The following PHOSPHO2 variants were observed in gnomAD, a reference collection of about 807,000 sequenced individuals.
PHOSPHO2 encodes the protein pyridoxal phosphate phosphatase PHOSPHO2.
Under a neutral mutation model 16.4 loss-of-function variants are expected in PHOSPHO2, and 14 were observed. That is an observed-to-expected ratio of 0.85 (90% CI 0.56 to 1.33). PHOSPHO2 has a LOEUF of 1.33. Ranked by LOEUF, PHOSPHO2 falls within the 40% of genes most tolerant of loss-of-function variation. The pLI is 0.00. For missense variants in PHOSPHO2, 246 were observed against 282.5 expected (o/e 0.87, Z 0.93); for synonymous variants, 85 against 90.5 (o/e 0.94, Z 0.34).
intron 3 of PHOSPHO2, among the ~76,000 whole-genome samples, chr2:169,699,331 T>C (rs966585094): frequency 6.6e-6 from 1 of 152,224 alleles, no homozygotes; most frequent in Admixed American, 6.5e-5. Context: ...GATCCATCCA[T>C]GTCCCTGTAA....
Position 169,694,575 on chromosome 2 carries a change from C to A in PHOSPHO2, c.-278C>A. ...GTGGGGCGAGGCCAAAGGACTGAAC[C>A]CGCAGGAGCGTCACGGGCGCCGGGG... On this transcript the variant is annotated 5_prime_UTR_variant, in exon 1 of 4. Transcript: ENST00000359744. 1.7e-6 allele frequency: 1 copy of A among 577,566 alleles called. No individual in the cohort carries two copies. The highest frequency in any genetic ancestry group is 3.1e-6 in the Non-Finnish European group (1 of 321,958). The allele number at this position is 577,566 out of a possible 1,614,324, so 35.8% of individuals were successfully genotyped here.
In PHOSPHO2 at chr2:169,701,631, T is replaced by C. The variant is rs78901671; in HGVS notation, c.660T>C (p.Tyr220=). 57 of 1,600,530 alleles carry C rather than the reference T, an allele frequency of 3.6e-5. No homozygotes were observed. The East Asian group carries it at 1.3e-3, about 36-fold the overall frequency. ...RMSQNLEPME[Y]SVVVWSSGVD... is the part of the protein sequence containing the mutation. ...CTCAAAATCTTGAGCCTATGGAATA[T>C]TCTGTTGTAGTTTGGTCCTCAGGTG... The change falls in exon 4 of 4, where the codon TAT becomes TAC. Residue 220 remains tyrosine (Y), a synonymous_variant. Transcript: ENST00000359744.
intron 2 of PHOSPHO2, among the ~76,000 whole-genome samples, chr2:169,695,637 C>CAAA (rs71006023): frequency 0.11 from 15,031 of 141,628 alleles, 896 homozygotes; most frequent in Middle Eastern, 0.2. Flanking sequence ...GACTCCGTCT[C>CAAA]AAAAAAAAAA....
Position 169,697,490 on chromosome 2 carries a change from T to C in PHOSPHO2, c.-68T>C, listed in dbSNP as rs1368554764. ...AGATTGTCATGATTGTTTATCCTAA[T>C]CCCAATGCTGAAGTAAGATTGTCTT... On this transcript the variant is annotated 5_prime_UTR_variant, in exon 3 of 4. Coordinates refer to ENST00000359744, the MANE Select transcript of PHOSPHO2 (RefSeq NM_001008489.4). 3 of 152,200 alleles carry C rather than the reference T, an allele frequency of 2.0e-5. No individual in the cohort carries two copies. The highest frequency in any genetic ancestry group is 4.4e-5 in the Non-Finnish European group (3 of 68,036). 9.4% of individuals were successfully genotyped at this position (152,200 alleles called of 1,614,324 possible). A position where few individuals can be genotyped will look rare whatever the true frequency, so the allele number is the denominator to read the frequency against.
chr2:169,699,101 G>A (rs9808005), intron 3 of PHOSPHO2, among the ~76,000 whole-genome samples: 1,540 of 152,150 alleles, frequency 0.01, 28 homozygotes, highest in African/African-American at 0.036. Flanking sequence ...ATGGTTTGCT[G>A]CACAGATCAT....
At chr2:169,697,075 G>A (rs1451290543) in intron 2 of PHOSPHO2, among the ~76,000 whole-genome samples, 1 of 151,704 alleles carries the variant, frequency 6.6e-6, no homozygotes, top group Non-Finnish European at 1.5e-5. Flanking sequence ...GAGTGCAGTG[G>A]CGCGATCTCG....
At chr2:169,700,092 A>T (rs1687697810) in intron 3 of PHOSPHO2, among the ~76,000 whole-genome samples, 1 of 152,062 alleles carries the variant, frequency 6.6e-6, no homozygotes, top group African/African-American at 2.4e-5. Flanking sequence ...TGGATATTAG[A>T]CCTTTGTCAG....
At chr2:169,698,796 G>A (rs1242759326) in intron 3 of PHOSPHO2, among the ~76,000 whole-genome samples, 1 of 152,102 alleles carries the variant, frequency 6.6e-6, no homozygotes, top group Admixed American at 6.6e-5. Flanking sequence ...TTACTCAGGT[G>A]TATTCAAATT....
Position 169,701,403 on chromosome 2 carries a change from C to A in PHOSPHO2, c.432C>A (p.Cys144Ter). The A allele has an allele frequency of 6.2e-7, 1 of 1,613,412 alleles. No homozygotes were observed. The highest frequency in any genetic ancestry group is 8.5e-7 in the Non-Finnish European group (1 of 1,179,864). The change falls in exon 4 of 4, where the codon TGC (cysteine) becomes TGA (stop). Residue 144 changes from cysteine to a stop codon, truncating the protein, a stop_gained. Transcript: ENST00000359744. LOFTEE classifies it high-confidence loss of function. The part of the protein sequence containing the change: ...LTVENYHTHS[C>*]NRCPKNLCKK... Reference sequence around the variant, plus strand: ...TTGAAAATTATCATACTCATTCTTGCAATAGATGCCCAAAGAATCTTTGCA... The same window carrying A: ...TTGAAAATTATCATACTCATTCTTGAAATAGATGCCCAAAGAATCTTTGCA...
At chr2:169,700,839 T>C in intron 3 of PHOSPHO2, 107 bp from the exon 4 acceptor site, 5 of 1,148,474 alleles carry the variant, frequency 4.4e-6, no homozygotes, top group Non-Finnish European at 5.9e-6. Flanking sequence ...ACTTTGTTTA[T>C]ATTCCTCCCT....
At position 169,701,250 on chromosome 2, in the gene PHOSPHO2, C is replaced by T. The variant is rs912569763; in HGVS notation, c.279C>T (p.Asp93=). 1.9e-6 allele frequency: 3 copies of T among 1,613,718 alleles called. No homozygotes were observed. Among genetic ancestry groups the T allele is most frequent in the Middle Eastern group, 1.6e-4 (1 of 6,080 alleles). The change falls in exon 4 of 4, where the codon GAC becomes GAT. Residue 93 remains aspartate, a synonymous_variant. Transcript: ENST00000359744. ...NFIRKNKDKF[D]CIIISDSNSV... ...TAAGAAAGAATAAGGATAAATTTGACTGCATTATTATTTCAGATTCAAATT... is the reference window on the plus strand; with the variant it reads ...TAAGAAAGAATAAGGATAAATTTGATTGCATTATTATTTCAGATTCAAATT...
At position 169,701,546 on chromosome 2, in the gene PHOSPHO2, A is replaced by T. The variant is rs1369915642; in HGVS notation, c.575A>T (p.Asn192Ile). 17 of 1,613,536 alleles carry T rather than the reference A, an allele frequency of 1.1e-5. No homozygotes were observed. The highest frequency in any genetic ancestry group is 1.4e-5 in the Non-Finnish European group (17 of 1,179,986). ...GTCTGTCCAGTCACCTTTTTAAAGA[A>T]TGATGATGTTGCCATGCCACGGAAA... ...NDVCPVTFLK[N>I]DDVAMPRKGY... The change falls in exon 4 of 4, where the codon AAT becomes ATT. Residue 192 changes from asparagine (N) to isoleucine (I), a missense_variant. By Grantham distance (149) the Asn-to-Ile change is moderately radical (BLOSUM62 -3). Transcript: ENST00000359744.
At chr2:169,700,820 T>G (rs1039499735) in intron 3 of PHOSPHO2, 126 bp from the exon 4 acceptor site, 1 of 950,776 alleles carries the variant, frequency 1.1e-6, no homozygotes. Flanking sequence ...GGTCTTGAAG[T>G]GCTTAATTAC....
Position 169,694,533 on chromosome 2 carries a change from CT to C in PHOSPHO2, c.-319del. On this transcript the variant is annotated 5_prime_UTR_variant, in exon 1 of 4. Coordinates refer to ENST00000359744, the MANE Select transcript of PHOSPHO2 (RefSeq NM_001008489.4). ...TTGCGAGCTGGGCTTGTGAGTGGGGCTGCCGAGAGGGCAGGCGTGGGGCGAG... is the reference window on the plus strand; with the variant it reads ...TTGCGAGCTGGGCTTGTGAGTGGGGCGCCGAGAGGGCAGGCGTGGGGCGAG... 1 of 628,764 alleles carries C rather than the reference CT, an allele frequency of 1.6e-6. No homozygotes were observed. The highest frequency in any genetic ancestry group is 1.8e-5 in the South Asian group (1 of 55,160). 38.9% of individuals were successfully genotyped at this position (628,764 alleles called of 1,614,324 possible). A position where few individuals can be genotyped will look rare whatever the true frequency, so the allele number is the denominator to read the frequency against.
At chr2:169,699,583 T>C (rs1435776706) in intron 3 of PHOSPHO2, among the ~76,000 whole-genome samples, 1 of 152,192 alleles carries the variant, frequency 6.6e-6, no homozygotes, top group Admixed American at 6.5e-5. Context: ...CCTCTACGTC[T>C]TTGAGGAATC....
intron 2 of PHOSPHO2, among the ~76,000 whole-genome samples, chr2:169,697,138 C>T (rs1687571106): frequency 6.6e-6 from 1 of 151,956 alleles, no homozygotes; most frequent in Admixed American, 6.6e-5. Flanking sequence ...GCCTCAGTCT[C>T]CCAAGTAGCT....
Position 169,694,499 on chromosome 2 carries a change from C to A in PHOSPHO2, c.-354C>A. ...TGGCGGTCGGGCTAGAGAAGAGAGG[C>A]GCCTGCGCTTGCGAGCTGGGCTTGT... On this transcript the variant is annotated 5_prime_UTR_variant, in exon 1 of 4. Transcript: ENST00000359744. 1 of 678,496 alleles carries A rather than the reference C, an allele frequency of 1.5e-6. No individual in the cohort carries two copies. Among genetic ancestry groups the A allele is most frequent in the Admixed American group, 2.2e-5 (1 of 44,906 alleles). 42.0% of individuals were successfully genotyped at this position (678,496 alleles called of 1,614,324 possible).
rs2105603305 is a variant in PHOSPHO2, at chr2:169,701,645, G to C, written c.674G>C (p.Trp225Ser). The C allele has an allele frequency of 6.3e-7, 1 of 1,585,418 alleles. No individual in the cohort carries two copies. Among genetic ancestry groups the C allele is most frequent in the Non-Finnish European group, 8.5e-7 (1 of 1,171,766 alleles). ...CCTATGGAATATTCTGTTGTAGTTT[G>C]GTCCTCAGGTGTTGATATAATTTCT... ...LEPMEYSVVVWSSGVDIISHL... is the reference protein window; with the variant it reads ...LEPMEYSVVVSSSGVDIISHL... The change falls in exon 4 of 4, where the codon TGG (tryptophan) becomes TCG (serine). Residue 225 changes from tryptophan to serine, a missense_variant. Trp to Ser is a radical substitution (Grantham distance 177, BLOSUM62 -3). Coordinates refer to ENST00000359744, the MANE Select transcript of PHOSPHO2 (RefSeq NM_001008489.4).
intron 3 of PHOSPHO2, among the ~76,000 whole-genome samples, chr2:169,700,414 C>T (rs1687711829): frequency 6.6e-6 from 1 of 152,002 alleles, no homozygotes; most frequent in Non-Finnish European, 1.5e-5. Context: ...ATATGGCTAG[C>T]CAGTTATCCC....
Sources: gnomAD v4.1 joint callset for allele counts (sites outside exome capture counted in the v4.1 genomes callset) on GRCh38, gnomAD v4.1.1 for gene constraint, MANE v1.5 for transcripts, NCBI Gene and HGNC (gene_info 2026-07-23, HGNC 2026-07-21) for gene names.